Variants in FGD1 observed in about 807,000 individuals in gnomAD.
FGD1 encodes the protein FYVE, RhoGEF and PH domain-containing protein 1.
In FGD1, 12 loss-of-function variants were observed where a neutral mutation model predicts 65.0. The ratio of observed to expected loss-of-function variants is 0.18; its 90% CI spans 0.12 to 0.30. The LOEUF (loss-of-function observed/expected upper bound fraction) is 0.30. Ranked by LOEUF, FGD1 falls within the 10% of genes least tolerant of loss-of-function variation. FGD1 has a pLI of 1.00. For synonymous variants in FGD1, 333 were observed against 343.9 expected (o/e 0.97, Z 0.35); for missense variants, 542 against 837.6 (o/e 0.65, Z 4.36).
In FGD1 at chrX:54,494,789, T is replaced by C. The variant is rs774459637; in HGVS notation, c.307+337A>G. On this transcript the variant is annotated intron_variant, in intron 1 of 17. Coordinates refer to ENST00000375135, the MANE Select transcript of FGD1 (RefSeq NM_004463.3). The stretch of plus-strand genomic sequence containing the variant: ...TTCTTCTGTTCTCCAAACGAAACCC[T>C]GGTTTCCCCAACCAAATATCCAAGG... Among the ~76,000 whole-genome samples the C allele has an allele frequency of 1.3e-4, 15 of 111,382 alleles. No individual in the cohort carries two copies. In the South Asian group the frequency reaches 5.7e-3, roughly 42 times the overall value.
intron 1 of FGD1, among the ~76,000 whole-genome samples, chrX:54,494,391 C>T (rs921906745): frequency 6.7e-5 from 7 of 104,846 alleles, no homozygotes; most frequent in African/African-American, 2.1e-4. Flanking sequence ...TTGGATCAAT[C>T]CACCGTCTTT....
At chrX:54,472,641 C>T (rs1413997535) in intron 1 of FGD1, among the ~76,000 whole-genome samples, 1 of 111,263 alleles carries the variant, frequency 9.0e-6, no homozygotes, top group Non-Finnish European at 1.9e-5. Context: ...ATGTGGGGCT[C>T]ATGTGGTCCT....
intron 1 of FGD1, among the ~76,000 whole-genome samples, chrX:54,481,063 G>A (rs937965505): frequency 1.4e-4 from 16 of 111,694 alleles, no homozygotes; most frequent in Admixed American, 1.3e-3. Flanking sequence ...CACTATCTGA[G>A]TTAGATGATC....
chrX:54,453,353 T>C (rs1922424801), intron 12 of FGD1, among the ~76,000 whole-genome samples: 1 of 111,571 alleles, frequency 9.0e-6, no homozygotes, highest in Non-Finnish European at 1.9e-5. Context: ...TTTCTCACTT[T>C]CTCACAGCCT....
intron 16 of FGD1, among the ~76,000 whole-genome samples, chrX:54,447,964 ATAG>A (rs1922274916): frequency 9.0e-6 from 1 of 111,681 alleles, no homozygotes; most frequent in Non-Finnish European, 1.9e-5. Context: ...AGTGCTTAGA[ATAG>A]TTCCTGGCAC....
At chrX:54,466,755 G>T (rs868819229) in intron 6 of FGD1, among the ~76,000 whole-genome samples, 25 of 89,576 alleles carry the variant, frequency 2.8e-4, no homozygotes, top group Admixed American at 7.1e-4. Flanking sequence ...TTGTTTGTTT[G>T]TTTTTTTTTT....
intron 1 of FGD1, among the ~76,000 whole-genome samples, chrX:54,480,040 C>T (rs943573981): frequency 2.7e-5 from 3 of 112,624 alleles, no homozygotes; most frequent in African/African-American, 9.7e-5. Context: ...AACATAAGGA[C>T]TCTGCAGAAA....
At chrX:54,491,912 ACTGGCT>A (rs2147447092) in intron 1 of FGD1, among the ~76,000 whole-genome samples, 1 of 108,879 alleles carries the variant, frequency 9.2e-6, no homozygotes, top group African/African-American at 3.4e-5. Context: ...GCCCCCCTCA[ACTGGCT>A]CAGTTTCCCC....
chrX:54,452,084 TA>T (rs1922390479), intron 12 of FGD1, among the ~76,000 whole-genome samples: 1 of 106,277 alleles, frequency 9.4e-6, no homozygotes, highest in Non-Finnish European at 1.9e-5. Flanking sequence ...CTGGGCAACA[TA>T]GTGAGACCTC....
chrX:54,465,257 G>A (rs1922734114), intron 8 of FGD1, among the ~76,000 whole-genome samples, 194 bp downstream of exon 8: 1 of 106,511 alleles, frequency 9.4e-6, no homozygotes, highest in Admixed American at 1.0e-4. Context: ...CATTCAGAAG[G>A]AGGATCTCAT....
intron 1 of FGD1, among the ~76,000 whole-genome samples, chrX:54,475,777 T>C (rs1352102145): frequency 8.9e-6 from 1 of 112,454 alleles, no homozygotes; most frequent in Admixed American, 9.4e-5. Context: ...AATAGAAACT[T>C]CTCAGCTAGG....
chrX:54,453,561 T>C (rs1922427673), intron 12 of FGD1, among the ~76,000 whole-genome samples: 3 of 111,433 alleles, frequency 2.7e-5, no homozygotes, highest in African/African-American at 6.5e-5. Flanking sequence ...TAAATATTCT[T>C]TTTCTTTCTT....
chrX:54,460,495 C>A (rs1373144651), intron 8 of FGD1, among the ~76,000 whole-genome samples: 1 of 112,426 alleles, frequency 8.9e-6, no homozygotes, highest in Non-Finnish European at 1.9e-5. Flanking sequence ...GTAATCCCAG[C>A]ACTTTGGGAG....
chrX:54,479,905 G>A (rs1421162866), intron 1 of FGD1, among the ~76,000 whole-genome samples: 2 of 112,029 alleles, frequency 1.8e-5, no homozygotes, highest in African/African-American at 6.5e-5. Context: ...GCCTGACCTG[G>A]CAGATGTTGT....
In FGD1 at chrX:54,451,107, T is replaced by G. The variant is rs187398497; in HGVS notation, c.2016-806A>C. Among the ~76,000 whole-genome samples the G allele has an allele frequency of 4.4e-3, 479 of 110,065 alleles. 3 individuals are homozygous for G. Among genetic ancestry groups the G allele is most frequent in the African/African-American group, 0.015 (448 of 30,272 alleles). ...CAAGTTGAGAAAAGAGGGTAGTTTT[T>G]TTTTCATTTGTAAAATGGAGATAAT... is the stretch of plus-strand genomic sequence containing the variant. On this transcript the variant is annotated intron_variant, in intron 12 of 17. Transcript: ENST00000375135.
intron 1 of FGD1, among the ~76,000 whole-genome samples, chrX:54,477,035 C>T (rs1923034249): frequency 8.9e-6 from 1 of 112,211 alleles, no homozygotes; most frequent in Admixed American, 9.4e-5. Context: ...GTGCACATCC[C>T]TCAAAGACCC....
In FGD1 at chrX:54,478,726, C is replaced by CA. The variant is rs752308234; in HGVS notation, c.308-7240dup. On this transcript the variant is annotated intron_variant, in intron 1 of 17. Coordinates refer to ENST00000375135, the MANE Select transcript of FGD1 (RefSeq NM_004463.3). ...ACCCACCCCCACCCCACCACACACA[C>CA]AGAGTGATATGGGTTAAATTTGAAA... 2.1e-4 allele frequency among the ~76,000 whole-genome samples: 23 copies of CA among 107,491 alleles called. No individual in the cohort carries two copies. In the Admixed American group the frequency reaches 2.3e-3, roughly 11 times the overall value. 93.3% of individuals were successfully genotyped at this position (107,491 alleles called of 115,157 possible).
At chrX:54,454,260 C>T (rs1428163914) in intron 12 of FGD1, among the ~76,000 whole-genome samples, 5 of 111,567 alleles carry the variant, frequency 4.5e-5, no homozygotes, top group Non-Finnish European at 9.4e-5. Context: ...GGCTCTTAGG[C>T]TACAAACCTG....
intron 8 of FGD1, among the ~76,000 whole-genome samples, chrX:54,463,166 G>A (rs1379241813): frequency 9.0e-6 from 1 of 110,960 alleles, no homozygotes; most frequent in Non-Finnish European, 1.9e-5. Flanking sequence ...GGTGATCTTG[G>A]CCAGCCTTAT....
Sources: gnomAD v4.1 joint callset for allele counts (sites outside exome capture counted in the v4.1 genomes callset) on GRCh38, gnomAD v4.1.1 for gene constraint, MANE v1.5 for transcripts, NCBI Gene and HGNC (gene_info 2026-07-23, HGNC 2026-07-21) for gene names.